FER1L6: variants seen among roughly 807,000 people sequenced by gnomAD.
FER1L6 encodes fer-1-like protein 6.
Under a neutral mutation model 219.2 loss-of-function variants are expected in FER1L6, and 177 were observed. The observed-to-expected ratio is 0.81, with a 90% CI of 0.71 to 0.91. The LOEUF is 0.91. FER1L6 is among the 40% of genes least tolerant of loss of function. The pLI is 0.00. For synonymous variants in FER1L6, 768 were observed against 824.3 expected (o/e 0.93, Z 1.17); for missense variants, 2,153 against 2,259.9 (o/e 0.95, Z 0.96).
At chr8:123,857,981 C>T (rs1368009686) in intron 1 of FER1L6, among the ~76,000 whole-genome samples, 1 of 152,162 alleles carries the variant, frequency 6.6e-6, no homozygotes, top group East Asian at 1.9e-4. Flanking sequence ...TGTCAGGTTC[C>T]CCTTCCTGCA....
At chr8:123,999,662 CAAAACAAAAACA>C (rs772488663) in intron 12 of FER1L6, among the ~76,000 whole-genome samples, 185 of 152,078 alleles carry the variant, frequency 1.2e-3, no homozygotes, top group South Asian at 3.5e-3. Context: ...GACTCCATCT[CAAAACAAAAACA>C]AAAACAAAAA....
intron 7 of FER1L6, among the ~76,000 whole-genome samples, chr8:123,973,970 G>A (rs778304002): frequency 7.2e-5 from 11 of 152,146 alleles, no homozygotes. Context: ...TACACAAAAT[G>A]CTTAGTAAAG....
At chr8:124,035,579 TAAGTA>T (rs781460302) in intron 19 of FER1L6, 125 bp downstream of exon 19, 38 of 893,090 alleles carry the variant, frequency 4.3e-5, no homozygotes, top group Non-Finnish European at 6.2e-5. Context: ...TTGGTCTTCT[TAAGTA>T]AAGTACAGTT....
intron 39 of FER1L6, among the ~76,000 whole-genome samples, chr8:124,115,999 A>G (rs1823229157): frequency 6.6e-6 from 1 of 152,258 alleles, no homozygotes; most frequent in Non-Finnish European, 1.5e-5. Context: ...GAGCAATGAC[A>G]GCAATTACAG....
intron 1 of FER1L6, among the ~76,000 whole-genome samples, chr8:123,884,649 G>A (rs186194691): frequency 7.2e-5 from 11 of 152,246 alleles, no homozygotes; most frequent in African/African-American, 1.4e-4. Context: ...GGCTCAAATC[G>A]GAAGAGAAGT....
intron 33 of FER1L6, among the ~76,000 whole-genome samples, chr8:124,086,113 G>GT (rs1222075354): frequency 6.6e-6 from 1 of 151,690 alleles, no homozygotes; most frequent in Non-Finnish European, 1.5e-5. Context: ...GGTAAAGTAT[G>GT]TTTTTTTGTA....
intron 39 of FER1L6, among the ~76,000 whole-genome samples, chr8:124,113,779 A>G (rs1209443126): frequency 6.6e-6 from 1 of 152,190 alleles, no homozygotes; most frequent in Non-Finnish European, 1.5e-5. Flanking sequence ...ATTTCCCGTG[A>G]AGTGTAAGTT....
intron 13 of FER1L6, among the ~76,000 whole-genome samples, chr8:124,003,631 G>A (rs1159718323): frequency 1.3e-5 from 2 of 151,588 alleles, no homozygotes; most frequent in Non-Finnish European, 2.9e-5. Context: ...ACCATGCCCG[G>A]CTAATTTTTG....
intron 32 of FER1L6, among the ~76,000 whole-genome samples, chr8:124,077,127 C>T (rs549152053): frequency 6.6e-6 from 1 of 152,210 alleles, no homozygotes; most frequent in African/African-American, 2.4e-5. Flanking sequence ...GCTCTACAAC[C>T]TTATGCAGAT....
At chr8:124,092,506 A>G (rs1020494325) in intron 34 of FER1L6, among the ~76,000 whole-genome samples, 1 of 152,188 alleles carries the variant, frequency 6.6e-6, no homozygotes, top group Non-Finnish European at 1.5e-5. Context: ...CCACATGAAC[A>G]TCCTGGGACA....
chr8:123,908,621 T>C (rs1351465292), intron 1 of FER1L6, among the ~76,000 whole-genome samples: 1 of 152,202 alleles, frequency 6.6e-6, no homozygotes, highest in Non-Finnish European at 1.5e-5. Context: ...TTTGGTGATA[T>C]TTACTAAGTG....
chr8:124,054,212 A>G (rs1488380365), intron 22 of FER1L6, among the ~76,000 whole-genome samples: 1 of 152,060 alleles, frequency 6.6e-6, no homozygotes, highest in Non-Finnish European at 1.5e-5. Context: ...CTTCCAGAAC[A>G]CTAGTTGGTG....
Position 124,060,194 on chromosome 8 carries a change from G to A in FER1L6, c.2889G>A (p.Gly963=). ...VFELLQVPPS[G]LQGLPPVEPP... ...TTGTGCGGTAGGTTCCTCCTTCTGG[G>A]CTGCAAGGCCTCCCACCCGTTGAGC... is the stretch of plus-strand genomic sequence containing the variant. The change falls in exon 23 of 41, where the codon GGG becomes GGA. Residue 963 remains glycine (G), a synonymous_variant. Coordinates refer to ENST00000522917, the MANE Select transcript of FER1L6 (RefSeq NM_001039112.2). 1.2e-6 allele frequency: 2 copies of A among 1,614,078 alleles called. No individual in the cohort carries two copies. Among genetic ancestry groups the A allele is most frequent in the Non-Finnish European group, 1.7e-6 (2 of 1,179,982 alleles).
intron 13 of FER1L6, among the ~76,000 whole-genome samples, chr8:124,008,140 A>G (rs1817753406): frequency 6.6e-6 from 1 of 152,118 alleles, no homozygotes; most frequent in South Asian, 2.1e-4. Context: ...TATCCTTCTT[A>G]TGCCTTTGCA....
intron 33 of FER1L6, among the ~76,000 whole-genome samples, chr8:124,089,033 C>T (rs1002789878): frequency 6.6e-6 from 1 of 152,176 alleles, no homozygotes; most frequent in African/African-American, 2.4e-5. Context: ...ACCCCAAGTC[C>T]ACTGGCTCCG....
At chr8:123,865,147 A>C (rs1300547896) in intron 1 of FER1L6, among the ~76,000 whole-genome samples, 2 of 149,028 alleles carry the variant, frequency 1.3e-5, no homozygotes, top group South Asian at 2.1e-4. Context: ...GGTGATGTAC[A>C]GATGGGTTTT....
chr8:124,087,401 G>C (rs1215280206), intron 33 of FER1L6, among the ~76,000 whole-genome samples: 1 of 152,022 alleles, frequency 6.6e-6, no homozygotes, highest in Non-Finnish European at 1.5e-5. Context: ...GCATTTTTCA[G>C]TTCTAGAATT....
At position 124,049,649 on chromosome 8, in the gene FER1L6, G is replaced by A. The variant is rs755327666; in HGVS notation, c.2767G>A (p.Val923Met). The change falls in exon 22 of 41, where the codon GTG (valine) becomes ATG (methionine). Residue 923 changes from valine (V) to methionine (M), a missense_variant. Coordinates refer to ENST00000522917, the MANE Select transcript of FER1L6 (RefSeq NM_001039112.2). ...YLGATVAAPV[V>M]KLADQDYEPP... ...GGGTGCCACAGTGGCTGCTCCTGTT[G>A]TGAAGCTGGCTGACCAGGACTATGA... 6 of 1,613,978 alleles carry A rather than the reference G, an allele frequency of 3.7e-6. No individual in the cohort carries two copies. The Admixed American group carries it at 1.0e-4, about 27-fold the overall frequency.
chr8:123,998,481 A>G (rs1328383767), intron 12 of FER1L6, among the ~76,000 whole-genome samples: 1 of 140,514 alleles, frequency 7.1e-6, no homozygotes, highest in African/African-American at 2.7e-5. Flanking sequence ...TGTTGCTACC[A>G]CCACTGGGAC....
Sources: gnomAD v4.1 joint callset for allele counts (sites outside exome capture counted in the v4.1 genomes callset) on GRCh38, gnomAD v4.1.1 for gene constraint, MANE v1.5 for transcripts, NCBI Gene and HGNC (gene_info 2026-07-23, HGNC 2026-07-21) for gene names.